MMD2: variants seen among roughly 807,000 people sequenced by gnomAD.
MMD2 encodes the protein monocyte to macrophage differentiation factor 2.
A neutral mutation model predicts 33.5 loss-of-function variants in MMD2; 30 were observed. The ratio of observed to expected loss-of-function variants is 0.90; its 90% CI spans 0.67 to 1.22. The LOEUF (loss-of-function observed/expected upper bound fraction) is 1.22, where lower values mean the gene tolerates loss of function less well. Among genes scored for constraint, MMD2 ranks in the 50% most tolerant of loss-of-function variants. The probability of loss-of-function intolerance (pLI) is 0.00; values close to 1 mark genes in which losing one functional copy is unlikely to be tolerated. For synonymous variants in MMD2, 129 were observed against 123.0 expected, an observed-to-expected ratio of 1.05 and a Z score of -0.32; for missense variants, 364 against 325.4, an observed-to-expected ratio of 1.12 and a Z score of -0.91.
rs1234487002 is a variant in MMD2 at position 4,946,330 on chromosome 7, G to A, written c.47+12641C>T. Among the ~76,000 whole-genome samples, 2 of 152,130 alleles carry A rather than the reference G, an allele frequency of 1.3e-5. No homozygotes were observed. The highest frequency in any genetic ancestry group is 2.9e-5 in the Non-Finnish European group (2 of 68,030). ...CTAAGAATAGCCATGCTCCAAACAT[G>A]GACGGATCAATTTGTTTCCCTCTGC... On this transcript the variant is annotated intron_variant, in intron 1 of 6. Transcript: ENST00000401401. This position sits in a 1 kb window ranked among gnomAD's most constrained non-coding sequence, Gnocchi z 5.0.
chr7:4,930,631 C>T (rs763142553), intron 1 of MMD2, among the ~76,000 whole-genome samples: 7 of 112,402 alleles, frequency 6.2e-5, no homozygotes, highest in Admixed American at 1.9e-4. Flanking sequence ...GCAACAAGAG[C>T]GAGACTCTGT....
intron 1 of MMD2, among the ~76,000 whole-genome samples, chr7:4,944,022 C>A (rs1369623718): frequency 6.6e-6 from 1 of 151,848 alleles, no homozygotes; most frequent in East Asian, 2.0e-4. Context: ...TCACTATGAA[C>A]TCTTTAGCTC....
chr7:4,926,101 G>C (rs759252931), intron 1 of MMD2, among the ~76,000 whole-genome samples: 1 of 149,238 alleles, frequency 6.7e-6, no homozygotes, highest in Non-Finnish European at 1.5e-5. Context: ...ATACCACGCC[G>C]GGCTTTTTTT....
chr7:4,915,610 C>T (rs201631296), intron 4 of MMD2, among the ~76,000 whole-genome samples: 4 of 151,360 alleles, frequency 2.6e-5, no homozygotes, highest in East Asian at 3.9e-4. Flanking sequence ...CGTGGTGGCG[C>T]GTGCCTGTAA....
chr7:4,933,660 A>G (rs1401774955), intron 1 of MMD2, among the ~76,000 whole-genome samples: 1 of 150,496 alleles, frequency 6.6e-6, no homozygotes, highest in African/African-American at 2.4e-5. Flanking sequence ...TTTTTTTTAG[A>G]TAGGGTCTAT....
the MMD2 span, among the ~76,000 whole-genome samples, chr7:4,894,663 C>T: frequency 6.6e-6 from 1 of 152,198 alleles, no homozygotes; most frequent in East Asian, 1.9e-4. This position sits in a 1 kb window ranked among gnomAD's most constrained non-coding sequence, Gnocchi z 4.3. Context: ...CGCCCCTGGC[C>T]ACTCCTCTCG....
chr7:4,922,759 C>T (rs73320296), intron 2 of MMD2, among the ~76,000 whole-genome samples: 47,982 of 151,768 alleles, frequency 0.32, 7,936 homozygotes, highest in Admixed American at 0.45. Context: ...TGCTATTTTG[C>T]GATCACCTAC....
chr7:4,895,204 A>G, the MMD2 span, among the ~76,000 whole-genome samples: 105,065 of 151,820 alleles, frequency 0.69, 37,328 homozygotes, highest in African/African-American at 0.84. Context: ...AGCCTCTTGA[A>G]TAGCTGGGAT....
intron 1 of MMD2, among the ~76,000 whole-genome samples, chr7:4,952,231 G>A (rs1418920794): frequency 1.3e-5 from 2 of 152,232 alleles, no homozygotes; most frequent in East Asian, 1.9e-4. Flanking sequence ...AAGGACATGT[G>A]GGGCCATCCC....
chr7:4,900,272 AAAAAG>A, the MMD2 span, among the ~76,000 whole-genome samples: 2 of 152,178 alleles, frequency 1.3e-5, no homozygotes, highest in Admixed American at 6.5e-5. Context: ...AAAAAAAAAG[AAAAAG>A]AAAACAGTAA....
chr7:4,908,412 G>C (rs56374169), intron 6 of MMD2, among the ~76,000 whole-genome samples: 23,338 of 151,952 alleles, frequency 0.15, 2,099 homozygotes, highest in Middle Eastern at 0.24. Flanking sequence ...AAAGTGCTGG[G>C]ATTATAGGCG....
At chr7:4,942,061 C>A (rs547340589) in intron 1 of MMD2, among the ~76,000 whole-genome samples, 1 of 152,194 alleles carries the variant, frequency 6.6e-6, no homozygotes, top group East Asian at 2.0e-4. Context: ...TCAAGTGATC[C>A]TCCTGCCTCA....
chr7:4,905,312 GGAAGAA>G (rs368617965), downstream of MMD2, among the ~76,000 whole-genome samples: 1 of 143,878 alleles, frequency 7.0e-6, no homozygotes, highest in Non-Finnish European at 1.5e-5. The surrounding 1 kb of genome is among the most constrained non-coding windows in gnomAD (Gnocchi z 5.0). Context: ...AAGAGGAAGA[GGAAGAA>G]GAAGAAGCAG....
At chr7:4,912,830 C>T (rs28452971) in intron 4 of MMD2, among the ~76,000 whole-genome samples, 12 of 151,962 alleles carry the variant, frequency 7.9e-5, no homozygotes, top group East Asian at 1.9e-4. Flanking sequence ...CTCAGCCTCC[C>T]GAGTAGCTGG....
the MMD2 span, among the ~76,000 whole-genome samples, chr7:4,897,910 G>A: frequency 6.6e-6 from 1 of 152,030 alleles, no homozygotes; most frequent in Admixed American, 6.6e-5. Flanking sequence ...GCTAATTTTT[G>A]TATTTTTAGT....
At chr7:4,898,176 T>C in the MMD2 span, among the ~76,000 whole-genome samples, 7 of 152,254 alleles carry the variant, frequency 4.6e-5, no homozygotes, top group African/African-American at 1.7e-4. Context: ...CAAGAGGCCA[T>C]AAAATGTGAT....
chr7:4,918,418 G>C (rs528605873), intron 3 of MMD2, among the ~76,000 whole-genome samples: 117 of 151,724 alleles, frequency 7.7e-4, no homozygotes, highest in African/African-American at 2.5e-3. Context: ...GTCAGCTTGA[G>C]TTGAATGTGG....
Position 4,925,552 on chromosome 7 carries a change from T to G in MMD2, c.48-20A>C. Reference sequence around the variant, plus strand: ...ATGAACCTGGAAGGAGAGGGAGAATTCCAGGAAGCTCCGCTGGGCAAGAGG... The same window carrying G: ...ATGAACCTGGAAGGAGAGGGAGAATGCCAGGAAGCTCCGCTGGGCAAGAGG... On this transcript the variant is annotated intron_variant, in intron 1 of 6. Transcript: ENST00000401401. 1 of 1,545,354 alleles carries G rather than the reference T, an allele frequency of 6.5e-7. No individual in the cohort carries two copies. The highest frequency in any genetic ancestry group is 8.7e-7 in the Non-Finnish European group (1 of 1,142,946).
At chr7:4,893,341 T>C in the MMD2 span, among the ~76,000 whole-genome samples, 3 of 151,278 alleles carry the variant, frequency 2.0e-5, no homozygotes, top group Non-Finnish European at 4.4e-5. Flanking sequence ...GGGCTGCTGG[T>C]TGGCTATTTT....
Sources: allele counts gnomAD v4.1 joint callset (sites outside exome capture counted in the v4.1 genomes callset), GRCh38; gene constraint gnomAD v4.1.1; non-coding constraint Gnocchi (gnomAD v3.1); transcripts MANE v1.5; gene names NCBI Gene and HGNC (gene_info 2026-07-23, HGNC 2026-07-21).